The following TG variants were observed in gnomAD, a reference collection of about 807,000 sequenced individuals.
TG encodes the protein thyroid hormones.
TG carries 270 observed loss-of-function variants against 324.7 expected under a neutral mutation model. The ratio of observed to expected loss-of-function variants is 0.83; its 90% CI spans 0.75 to 0.92. The LOEUF (loss-of-function observed/expected upper bound fraction) is 0.92, where lower values mean the gene tolerates loss of function less well. Among genes scored for constraint, TG ranks in the 40% least tolerant of loss-of-function variants. TG has a pLI of 0.00. For missense variants in TG, 3,591 were observed against 3,456.4 expected, an observed-to-expected ratio of 1.04 and a Z score of -0.98; for synonymous variants, 1,401 against 1,327.0, an observed-to-expected ratio of 1.06 and a Z score of -1.21.
intron 35 of TG, chr8:132,994,879 A>C (rs1007233252): frequency 1.6e-6 from 2 of 1,231,724 alleles, no homozygotes; most frequent in African/African-American, 1.6e-5. Context: ...GTGATGGAGT[A>C]AGATTGAGGT....
At chr8:132,881,264 T>C (rs1377959752) in intron 5 of TG, among the ~76,000 whole-genome samples, 1 of 152,232 alleles carries the variant, frequency 6.6e-6, no homozygotes, top group Non-Finnish European at 1.5e-5. Context: ...AGAGAATCTC[T>C]TTCTTCAGTT....
chr8:132,973,267 C>G (rs1243034889), intron 34 of TG, among the ~76,000 whole-genome samples: 1 of 152,168 alleles, frequency 6.6e-6, no homozygotes, highest in Admixed American at 6.5e-5. Context: ...CCTTGGTTTT[C>G]TTACCTTGAC....
At chr8:133,121,385 G>A (rs1045064742) in intron 45 of TG, among the ~76,000 whole-genome samples, 1 of 152,140 alleles carries the variant, frequency 6.6e-6, no homozygotes, top group Non-Finnish European at 1.5e-5. Flanking sequence ...CACAGACTGA[G>A]CTTTGAGTAA....
intron 41 of TG, among the ~76,000 whole-genome samples, chr8:133,065,946 G>T (rs1038204904): frequency 2.6e-5 from 4 of 152,148 alleles, no homozygotes; most frequent in Non-Finnish European, 4.4e-5. Context: ...GGGATGAGGG[G>T]TGCAGAAGTG....
intron 25 of TG, 112 bp downstream of exon 25, chr8:132,935,976 C>T: frequency 1.3e-6 from 1 of 794,334 alleles, no homozygotes; most frequent in South Asian, 1.5e-5. Context: ...CCGCTCCCCA[C>T]TCCACACCCT....
intron 25 of TG, among the ~76,000 whole-genome samples, chr8:132,940,001 C>G (rs1236256525): frequency 2.6e-5 from 4 of 152,036 alleles, no homozygotes; most frequent in Non-Finnish European, 5.9e-5. Context: ...TTTACCTGCT[C>G]AATGTCCTTG....
intron 28 of TG, among the ~76,000 whole-genome samples, chr8:132,962,282 G>T (rs1463511754): frequency 1.3e-5 from 2 of 152,080 alleles, no homozygotes; most frequent in Non-Finnish European, 2.9e-5. Context: ...TAAAGAGGGG[G>T]TGATATTTTA....
At chr8:133,114,155 A>G (rs1264809756) in intron 44 of TG, among the ~76,000 whole-genome samples, 1 of 152,224 alleles carries the variant, frequency 6.6e-6, no homozygotes, top group Non-Finnish European at 1.5e-5. Context: ...GCCTGGAGGC[A>G]GGGAGGTTTT....
intron 31 of TG, among the ~76,000 whole-genome samples, chr8:132,968,384 C>T (rs945436157): frequency 2.0e-5 from 3 of 152,186 alleles, no homozygotes; most frequent in African/African-American, 7.2e-5. Flanking sequence ...ACCTTTAATA[C>T]ATGCATCAGA....
chr8:133,057,501 G>C (rs1184003288), intron 41 of TG, among the ~76,000 whole-genome samples: 1 of 152,184 alleles, frequency 6.6e-6, no homozygotes, highest in African/African-American at 2.4e-5. Context: ...GTTTTTAAAA[G>C]TTTCCACACC....
intron 22 of TG, 87 bp from the exon 23 acceptor site, chr8:132,928,989 A>C: frequency 9.2e-7 from 1 of 1,085,992 alleles, no homozygotes; most frequent in African/African-American, 1.5e-5. Flanking sequence ...ATGGGTATTG[A>C]CTGCTTGACC....
At chr8:133,056,677 G>T (rs187939377) in intron 41 of TG, among the ~76,000 whole-genome samples, 1 of 152,208 alleles carries the variant, frequency 6.6e-6, no homozygotes, top group African/African-American at 2.4e-5. Flanking sequence ...AGCCTCGTGG[G>T]GCTGTGAGAA....
At chr8:132,920,710 G>C (rs749402145) in intron 21 of TG, among the ~76,000 whole-genome samples, 1 of 152,192 alleles carries the variant, frequency 6.6e-6, no homozygotes, top group Non-Finnish European at 1.5e-5. Context: ...AGGAATAGAG[G>C]ACACAGGTTG....
chr8:133,092,389 C>G (rs1482558593), intron 41 of TG, among the ~76,000 whole-genome samples: 1 of 152,210 alleles, frequency 6.6e-6, no homozygotes, highest in African/African-American at 2.4e-5. Context: ...AGTGGAAACT[C>G]CTCGCCATTG....
At chr8:132,873,939 G>A (rs906403107) in intron 5 of TG, among the ~76,000 whole-genome samples, 1 of 152,130 alleles carries the variant, frequency 6.6e-6, no homozygotes, top group Non-Finnish European at 1.5e-5. Flanking sequence ...GGGAGGCTGA[G>A]GTGGGCAGAT....
chr8:132,868,343 A>G (rs1839166083), intron 2 of TG, 120 bp downstream of exon 2: 2 of 944,244 alleles, frequency 2.1e-6, no homozygotes, highest in Non-Finnish European at 3.3e-6. Flanking sequence ...AGGCTTGGCC[A>G]CTGTCATTTG....
intron 41 of TG, among the ~76,000 whole-genome samples, chr8:133,067,923 G>GA (rs1587972810): frequency 2.2e-5 from 3 of 137,136 alleles, no homozygotes; most frequent in South Asian, 2.3e-4. Context: ...AGGAAAGAGA[G>GA]AGAGAGAGAA....
intron 27 of TG, among the ~76,000 whole-genome samples, chr8:132,959,184 G>A (rs984097908): frequency 1.3e-5 from 2 of 152,140 alleles, no homozygotes; most frequent in African/African-American, 4.8e-5. Flanking sequence ...TGGTAGCCCC[G>A]GGGAGACTTG....
At chr8:133,094,799 G>A in intron 41 of TG, 4 of 587,370 alleles carry the variant, frequency 6.8e-6, no homozygotes, top group Non-Finnish European at 1.2e-5. Context: ...AGGTTCCCTT[G>A]TGCAGCACCC....
Sources: gnomAD v4.1 joint callset for allele counts (sites outside exome capture counted in the v4.1 genomes callset) on GRCh38, gnomAD v4.1.1 for gene constraint, MANE v1.5 for transcripts, NCBI Gene and HGNC (gene_info 2026-07-23, HGNC 2026-07-21) for gene names.